The following DCAF12 variants were observed in gnomAD, a reference collection of about 807,000 sequenced individuals.
DCAF12 encodes the protein DDB1 and CUL4 associated factor 12.
Under a neutral mutation model 52.8 loss-of-function variants are expected in DCAF12, and 28 were observed. The ratio of observed to expected loss-of-function variants is 0.53; its 90% CI spans 0.39 to 0.73. The LOEUF is 0.73. DCAF12 is among the 30% of genes least tolerant of loss of function. The probability of loss-of-function intolerance (pLI) is 0.00; values close to 1 mark genes in which losing one functional copy is unlikely to be tolerated. For missense variants in DCAF12, 425 were observed against 552.2 expected (o/e 0.77, Z 2.31); for synonymous variants, 196 against 215.5 (o/e 0.91, Z 0.79).
intron 6 of DCAF12, among the ~76,000 whole-genome samples, chr9:34,095,322 C>G (rs1160637383): frequency 1.3e-5 from 2 of 150,454 alleles, no homozygotes; most frequent in Non-Finnish European, 2.9e-5. Flanking sequence ...ATCCACCTGC[C>G]TCGGCCTCCC....
intron 2 of DCAF12, among the ~76,000 whole-genome samples, chr9:34,114,683 G>C (rs1829057022): frequency 6.6e-6 from 1 of 152,082 alleles, no homozygotes; most frequent in Admixed American, 6.6e-5. Context: ...TCGAGGCTCG[G>C]GCTCCCTGCA....
chr9:34,119,166 T>C (rs1194694641), intron 2 of DCAF12, among the ~76,000 whole-genome samples: 1 of 152,190 alleles, frequency 6.6e-6, no homozygotes, highest in African/African-American at 2.4e-5. Flanking sequence ...TTGCATATTC[T>C]ACTACTGTAT....
chr9:34,115,922 A>G (rs1222195742), intron 2 of DCAF12, among the ~76,000 whole-genome samples: 2 of 152,206 alleles, frequency 1.3e-5, no homozygotes, highest in Non-Finnish European at 2.9e-5. Flanking sequence ...GCATGAATAT[A>G]CTGACATTAA....
intron 2 of DCAF12, among the ~76,000 whole-genome samples, chr9:34,122,134 T>A (rs547561326): frequency 6.6e-6 from 1 of 152,100 alleles, no homozygotes; most frequent in Non-Finnish European, 1.5e-5. Flanking sequence ...TTTTGGCTCA[T>A]AGTACTCTCT....
intron 2 of DCAF12, among the ~76,000 whole-genome samples, chr9:34,124,285 G>A (rs748407896): frequency 2.6e-5 from 4 of 152,166 alleles, no homozygotes; most frequent in Non-Finnish European, 5.9e-5. Context: ...CTAGGCCCTA[G>A]GCCCTGCCTC....
rs1052656 is a variant in DCAF12, at chr9:34,087,362, T to C, written c.*988A>G. Reference sequence around the variant, plus strand: ...GCAGAGAGGATTCTCCTCAAAGCCATGGGGGCTATGGATGTGAATCTTAGC... The same window carrying C: ...GCAGAGAGGATTCTCCTCAAAGCCACGGGGGCTATGGATGTGAATCTTAGC... On this transcript the variant is annotated 3_prime_UTR_variant, in exon 9 of 9. Coordinates refer to ENST00000361264, the MANE Select transcript of DCAF12 (RefSeq NM_015397.4). 0.66 allele frequency: 99,927 copies of C among 152,170 alleles called. 33,289 individuals are homozygous for C. The highest frequency in any genetic ancestry group is 0.7 in the Non-Finnish European group (47,784 of 68,012). 9.4% of individuals were successfully genotyped at this position (152,170 alleles called of 1,614,324 possible). A position where few individuals can be genotyped will look rare whatever the true frequency, so the allele number is the denominator to read the frequency against.
rs920438964 is a variant in DCAF12, at chr9:34,111,820, T to C, written c.334-4255A>G. 2.9e-4 allele frequency among the ~76,000 whole-genome samples: 44 copies of C among 152,030 alleles called. 1 individual carries two copies. Among genetic ancestry groups the C allele is most frequent in the Admixed American group, 2.8e-3 (42 of 15,226 alleles). ...GGCCACTTTTTACCAAAGCCAGTCCTTGGAGAAAAGAAAACTTGAGACTTG... is the reference window on the plus strand; with the variant it reads ...GGCCACTTTTTACCAAAGCCAGTCCCTGGAGAAAAGAAAACTTGAGACTTG... On this transcript the variant is annotated intron_variant, in intron 2 of 8. Coordinates refer to ENST00000361264, the MANE Select transcript of DCAF12 (RefSeq NM_015397.4).
intron 7 of DCAF12, among the ~76,000 whole-genome samples, chr9:34,090,550 T>C (rs535091948): frequency 3.3e-5 from 5 of 152,282 alleles, no homozygotes; most frequent in Admixed American, 1.3e-4. Flanking sequence ...AAGAACTGGA[T>C]AATATTTGTG....
Position 34,096,789 on chromosome 9 carries a change from A to T in DCAF12, c.796-8T>A. On this transcript the variant is annotated splice_polypyrimidine_tract_variant and splice_region_variant and intron_variant, in intron 5 of 8. Coordinates refer to ENST00000361264, the MANE Select transcript of DCAF12 (RefSeq NM_015397.4). ...AGACACTGCTCCCAGTTCCTACAAG[A>T]GCAATGAAAACCAGGTTATATTATC... 1.9e-6 allele frequency: 3 copies of T among 1,613,458 alleles called. No individual in the cohort carries two copies. Among genetic ancestry groups the T allele is most frequent in the Non-Finnish European group, 2.5e-6 (3 of 1,179,694 alleles).
At chr9:34,107,203 CCT>C (rs1828916708) in intron 3 of DCAF12, among the ~76,000 whole-genome samples, 154 bp downstream of exon 3, 1 of 152,130 alleles carries the variant, frequency 6.6e-6, no homozygotes. Context: ...ACTGTTGGCC[CCT>C]GAGGTGTGCT....
At chr9:34,113,616 A>G (rs986475291) in intron 2 of DCAF12, among the ~76,000 whole-genome samples, 10 of 152,132 alleles carry the variant, frequency 6.6e-5, no homozygotes, top group Non-Finnish European at 1.0e-4. Context: ...CTGGGATTAC[A>G]AGCATGAGCC....
intron 2 of DCAF12, among the ~76,000 whole-genome samples, chr9:34,122,349 T>C (rs570452805): frequency 2.5e-4 from 38 of 152,312 alleles, no homozygotes; most frequent in Non-Finnish European, 4.6e-4. Flanking sequence ...TGCCAAATCA[T>C]TAACTTCAAT....
chr9:34,089,653 C>T lies in DCAF12; in HGVS notation c.1025-63G>A, dbSNP rs1003547162. ...AGAATATTTGCTGACTGTCTGCTAGCCTGAATTTCTCCAACACTGAGTTTT... is the reference window on the plus strand; with the variant it reads ...AGAATATTTGCTGACTGTCTGCTAGTCTGAATTTCTCCAACACTGAGTTTT... On this transcript the variant is annotated intron_variant, in intron 7 of 8. Coordinates refer to ENST00000361264, the MANE Select transcript of DCAF12 (RefSeq NM_015397.4). 4.6e-5 allele frequency: 68 copies of T among 1,488,592 alleles called. 1 individual carries two copies. The South Asian group carries it at 7.1e-4, about 15-fold the overall frequency. 92.2% of individuals were successfully genotyped at this position (1,488,592 alleles called of 1,614,324 possible).
intron 2 of DCAF12, among the ~76,000 whole-genome samples, chr9:34,111,002 T>C (rs1237937303): frequency 6.6e-6 from 1 of 150,968 alleles, no homozygotes; most frequent in Non-Finnish European, 1.5e-5. Flanking sequence ...TTTTTTTTTT[T>C]TGAGACCAAG....
Position 34,106,477 on chromosome 9 carries a change from C to G in DCAF12, c.558G>C (p.Trp186Cys). 1 of 1,611,030 alleles carries G rather than the reference C, an allele frequency of 6.2e-7. No individual in the cohort carries two copies. ...CGCTGATCCATGCGATGGAAAAGAT[C>G]CAGTCCTTGTGTCCATCCTTGGAGA... ...VCVGDDGHKD[W>C]IFSIAWISDT... Residue 186 changes from tryptophan to cysteine, a missense_variant, in exon 4 of 9, where the codon TGG becomes TGC. By Grantham distance (215) the Trp-to-Cys change is radical (BLOSUM62 -2). Transcript: ENST00000361264.
At chr9:34,102,791 C>A (rs1185290651) in intron 4 of DCAF12, among the ~76,000 whole-genome samples, 1 of 151,960 alleles carries the variant, frequency 6.6e-6, no homozygotes, top group Non-Finnish European at 1.5e-5. Context: ...ATGTTATATT[C>A]CTGGCTGGGC....
intron 2 of DCAF12, among the ~76,000 whole-genome samples, chr9:34,115,921 T>C (rs1485393389): frequency 1.3e-5 from 2 of 152,222 alleles, no homozygotes; most frequent in South Asian, 4.1e-4. Flanking sequence ...TGCATGAATA[T>C]ACTGACATTA....
At chr9:34,103,775 G>A (rs1414725982) in intron 4 of DCAF12, among the ~76,000 whole-genome samples, 1 of 152,050 alleles carries the variant, frequency 6.6e-6, no homozygotes, top group Non-Finnish European at 1.5e-5. Flanking sequence ...CTGGGAGTTC[G>A]AGGTTGCAGT....
rs547006000 is a variant in DCAF12, at chr9:34,123,701, T to C, written c.333+1322A>G. Among the ~76,000 whole-genome samples the C allele has an allele frequency of 3.3e-4, 51 of 152,290 alleles. 1 individual carries two copies. Among genetic ancestry groups the C allele is most frequent in the African/African-American group, 1.1e-3 (47 of 41,564 alleles). ...AATAAATTCAACAAGCAAGAGGCTATGATGATTAATTCAGTTTACAATTCA... is the reference window on the plus strand; with the variant it reads ...AATAAATTCAACAAGCAAGAGGCTACGATGATTAATTCAGTTTACAATTCA... On this transcript the variant is annotated intron_variant, in intron 2 of 8. Transcript: ENST00000361264.
Sources: allele counts gnomAD v4.1 joint callset (sites outside exome capture counted in the v4.1 genomes callset), GRCh38; gene constraint gnomAD v4.1.1; transcripts MANE v1.5; gene names NCBI Gene and HGNC (gene_info 2026-07-23, HGNC 2026-07-21).